Variants in CACNB1 observed in about 807,000 individuals in gnomAD.
The protein encoded by CACNB1 is voltage-dependent L-type calcium channel subunit beta-1.
In CACNB1, 29 loss-of-function variants were observed where a neutral mutation model predicts 71.6. The observed-to-expected ratio is 0.40, with a 90% CI of 0.30 to 0.55. CACNB1 has a LOEUF of 0.55. CACNB1 is among the 20% of genes least tolerant of loss of function. The probability of loss-of-function intolerance (pLI) is 0.38; values close to 1 mark genes in which losing one functional copy is unlikely to be tolerated. For synonymous variants in CACNB1, 300 were observed against 319.6 expected (o/e 0.94, Z 0.65); for missense variants, 623 against 801.8 (o/e 0.78, Z 2.69).
chr17:39,178,185 G>A lies in CACNB1; in HGVS notation c.1051-106C>T, dbSNP rs2045638776. On this transcript the variant is annotated intron_variant, in intron 11 of 13. Coordinates refer to ENST00000394303, the MANE Select transcript of CACNB1 (RefSeq NM_000723.5). The stretch of plus-strand genomic sequence containing the variant: ...GATCAGCATGGAGAGCCAGTGTCAA[G>A]ACCCTTGAATGCTCCATAACTCTCA... 4.9e-6 allele frequency: 4 copies of A among 816,246 alleles called. No homozygotes were observed. In the Admixed American group the frequency reaches 5.3e-5, roughly 11 times the overall value. 50.6% of individuals were successfully genotyped at this position (816,246 alleles called of 1,614,324 possible).
intron 13 of CACNB1, among the ~76,000 whole-genome samples, chr17:39,176,211 C>G (rs763274876): frequency 2.0e-5 from 3 of 152,192 alleles, no homozygotes; most frequent in Non-Finnish European, 4.4e-5. Flanking sequence ...CCCTTGCCCC[C>G]AACAAGCACT....
At chr17:39,188,764 C>T (rs182719071) in intron 3 of CACNB1, among the ~76,000 whole-genome samples, 103 of 151,658 alleles carry the variant, frequency 6.8e-4, no homozygotes, top group Non-Finnish European at 1.3e-3. Flanking sequence ...AATAGCAGGC[C>T]GGGCACGGTG....
At chr17:39,185,843 C>T in intron 6 of CACNB1, 1 of 1,270,780 alleles carries the variant, frequency 7.9e-7, no homozygotes, top group Non-Finnish European at 1.1e-6. Context: ...GCCCTGATGC[C>T]CACAGAACAG....
chr17:39,193,304 G>A (rs960459832), intron 2 of CACNB1: 28 of 328,704 alleles, frequency 8.5e-5, no homozygotes, highest in Non-Finnish European at 1.5e-4. Flanking sequence ...ACACATGTAC[G>A]CGCATACACA....
chr17:39,196,152 G>T (rs1483898952), intron 1 of CACNB1, among the ~76,000 whole-genome samples: 3 of 152,150 alleles, frequency 2.0e-5, no homozygotes, highest in Non-Finnish European at 4.4e-5. Context: ...CAGACTGGGG[G>T]CTTTGGCTGC....
At chr17:39,193,183 C>T in intron 2 of CACNB1, 1 of 287,672 alleles carries the variant, frequency 3.5e-6, no homozygotes, top group East Asian at 1.2e-4. Context: ...TGCACACACA[C>T]AGACACACAT....
Position 39,197,404 on chromosome 17 carries a change from C to A in CACNB1, c.84+8G>T, listed in dbSNP as rs2046224032. 1.4e-6 allele frequency: 2 copies of A among 1,451,088 alleles called. No homozygotes were observed. The highest frequency in any genetic ancestry group is 1.8e-6 in the Non-Finnish European group (2 of 1,103,784). 89.9% of individuals were successfully genotyped at this position (1,451,088 alleles called of 1,614,324 possible). On this transcript the variant is annotated splice_region_variant and intron_variant, in intron 1 of 13. Coordinates refer to ENST00000394303, the MANE Select transcript of CACNB1 (RefSeq NM_000723.5). ...CCCCTCCCGTTGGGCCGGGCCACCA[C>A]GCCTCACCTGCGGGCTGGGGTCGAA...
At chr17:39,177,638 G>C in intron 12 of CACNB1, 103 bp from the exon 13 acceptor site, 3 of 913,504 alleles carry the variant, frequency 3.3e-6, no homozygotes, top group Non-Finnish European at 4.9e-6. Context: ...GGGATTGAAG[G>C]ACAAGGTTAA....
intron 11 of CACNB1, among the ~76,000 whole-genome samples, chr17:39,179,123 C>T (rs535310218): frequency 1.5e-4 from 23 of 151,448 alleles, no homozygotes; most frequent in Admixed American, 5.3e-4. Context: ...GAAACCCCAT[C>T]TCTACTAAAA....
chr17:39,181,386 G>A (rs1034720133), intron 11 of CACNB1, among the ~76,000 whole-genome samples: 4 of 152,126 alleles, frequency 2.6e-5, no homozygotes, highest in African/African-American at 9.7e-5. Flanking sequence ...GAGCCACCGT[G>A]CCTGGCCCAA....
rs1274231480 is a variant in CACNB1, at chr17:39,174,378, G to A, written c.*815C>T. 3 of 152,702 alleles carry A rather than the reference G, an allele frequency of 2.0e-5. No homozygotes were observed. The East Asian group carries it at 5.7e-4, about 29-fold the overall frequency. The allele number at this position is 152,702 out of a possible 1,614,324, so 9.5% of individuals were successfully genotyped here. A position where few individuals can be genotyped will look rare whatever the true frequency, so the allele number is the denominator to read the frequency against. On this transcript the variant is annotated 3_prime_UTR_variant, in exon 14 of 14. Coordinates refer to ENST00000394303, the MANE Select transcript of CACNB1 (RefSeq NM_000723.5). Reference sequence around the variant, plus strand: ...AATGAGGCGGACCAGAGTGTTCCATGGGCTCCACACCCAGGTGGCACAGGG... The same window carrying A: ...AATGAGGCGGACCAGAGTGTTCCATAGGCTCCACACCCAGGTGGCACAGGG...
At chr17:39,183,112 A>G (rs1259933938) in intron 11 of CACNB1, 1 of 171,060 alleles carries the variant, frequency 5.8e-6, no homozygotes, top group Non-Finnish European at 1.2e-5. Flanking sequence ...ACTGCAGCAA[A>G]AAGGGCTGAT....
intron 1 of CACNB1, among the ~76,000 whole-genome samples, chr17:39,196,560 G>A (rs1194148352): frequency 1.3e-5 from 2 of 152,156 alleles, no homozygotes; most frequent in South Asian, 2.1e-4. Flanking sequence ...CCTTGGAGAA[G>A]GACACTCCCA....
At chr17:39,195,283 G>A in intron 1 of CACNB1, 1 of 285,420 alleles carries the variant, frequency 3.5e-6, no homozygotes, top group South Asian at 6.7e-5. Flanking sequence ...GGCTCATTAG[G>A]CAGCAGAGCT....
chr17:39,191,411 C>G, intron 3 of CACNB1, 63 bp downstream of exon 3: 2 of 1,497,306 alleles, frequency 1.3e-6, no homozygotes, highest in Non-Finnish European at 1.8e-6. Context: ...TGTCTGGGCT[C>G]TCTCTACAGC....
chr17:39,195,388 C>G (rs1277003363), intron 1 of CACNB1: 1 of 168,140 alleles, frequency 5.9e-6, no homozygotes, highest in Non-Finnish European at 1.3e-5. Context: ...AAAGTCACCC[C>G]CACTCCCCCT....
At chr17:39,182,700 AAAAT>A (rs59927625) in intron 11 of CACNB1, among the ~76,000 whole-genome samples, 36,814 of 140,014 alleles carry the variant, frequency 0.26, 5,037 homozygotes, top group South Asian at 0.35. Context: ...GACTCTGTCT[AAAAT>A]AAATAAATAA....
chr17:39,182,922 A>C (rs933014372), intron 11 of CACNB1: 1 of 975,252 alleles, frequency 1.0e-6, no homozygotes, highest in Non-Finnish European at 1.2e-6. Context: ...TAAACCAATC[A>C]GAGCTTGAAT....
intron 3 of CACNB1, among the ~76,000 whole-genome samples, chr17:39,190,938 C>T (rs2046060093): frequency 6.6e-6 from 1 of 152,028 alleles, no homozygotes; most frequent in South Asian, 2.1e-4. Context: ...GGCACGGTGG[C>T]TCACGCCTGT....
Sources: gnomAD v4.1 joint callset for allele counts (sites outside exome capture counted in the v4.1 genomes callset) on GRCh38, gnomAD v4.1.1 for gene constraint, MANE v1.5 for transcripts, NCBI Gene and HGNC (gene_info 2026-07-23, HGNC 2026-07-21) for gene names.